The following KAZN variants were observed in gnomAD, a reference collection of about 807,000 sequenced individuals.
The protein encoded by KAZN is kazrin, periplakin interacting protein.
KAZN carries 40 observed loss-of-function variants against 87.4 expected under a neutral mutation model. The observed-to-expected ratio is 0.46, with a 90% CI of 0.36 to 0.60. The LOEUF is 0.60. Among genes scored for constraint, KAZN ranks in the 20% least tolerant of loss-of-function variants. The pLI is 0.00. For missense variants in KAZN, 898 were observed against 1,073.9 expected, an observed-to-expected ratio of 0.84 and a Z score of 2.29; for synonymous variants, 466 against 458.3, an observed-to-expected ratio of 1.02 and a Z score of -0.22.
intron 1 of KAZN, among the ~76,000 whole-genome samples, chr1:14,693,289 C>T (rs1448020237): frequency 6.6e-6 from 1 of 152,154 alleles, no homozygotes; most frequent in Non-Finnish European, 1.5e-5. Context: ...TTTCTCCCGG[C>T]AACAGGATGC....
rs573443874 is a variant in KAZN at position 14,664,082 on chromosome 1, T to G, written c.226+64859T>G. 2.0e-5 allele frequency among the ~76,000 whole-genome samples: 3 copies of G among 152,302 alleles called. No homozygotes were observed. The South Asian group carries it at 6.2e-4, about 32-fold the overall frequency. ...AATAAGCATCCCAAAAAGACAAATA[T>G]TATATGATTCCACCTATATGAGGTA... On this transcript the variant is annotated intron_variant, in intron 1 of 14. Transcript: ENST00000376030.
At chr1:14,185,550 CTA>C (rs1646285936) in intron 2 of KAZN, among the ~76,000 whole-genome samples, 1 of 152,208 alleles carries the variant, frequency 6.6e-6, no homozygotes, top group Non-Finnish European at 1.5e-5. Flanking sequence ...AGTTGCAAAA[CTA>C]TCAAATCAGC....
chr1:14,034,482 T>A (rs1434542682), intron 1 of KAZN, among the ~76,000 whole-genome samples: 1 of 152,236 alleles, frequency 6.6e-6, no homozygotes, highest in African/African-American at 2.4e-5. Context: ...ATTTAACAAA[T>A]GGCATAATTC....
chr1:13,977,879 G>T (rs1570435130), intron 1 of KAZN, among the ~76,000 whole-genome samples: 1 of 152,322 alleles, frequency 6.6e-6, no homozygotes, highest in East Asian at 1.9e-4. Flanking sequence ...TGTAATCCCA[G>T]CACTTTGGGA....
intron 1 of KAZN, among the ~76,000 whole-genome samples, chr1:14,069,946 G>A (rs985532028): frequency 7.9e-5 from 12 of 151,956 alleles, no homozygotes; most frequent in Admixed American, 2.0e-4. Context: ...TGAGGCTGGC[G>A]GATCACGAGG....
intron 1 of KAZN, among the ~76,000 whole-genome samples, chr1:13,955,672 A>C (rs1167473018): frequency 3.3e-5 from 5 of 152,182 alleles, no homozygotes; most frequent in Admixed American, 3.3e-4. Flanking sequence ...CCTTAAAGCC[A>C]GCTTGCTTTT....
intron 2 of KAZN, among the ~76,000 whole-genome samples, chr1:14,261,898 T>A (rs142315477): frequency 6.8e-4 from 103 of 152,262 alleles, no homozygotes; most frequent in African/African-American, 2.4e-3. Context: ...AAGGAGGTCA[T>A]CCGAGACCCA....
chr1:13,928,626 T>C (rs1640375054), intron 1 of KAZN, among the ~76,000 whole-genome samples: 1 of 152,142 alleles, frequency 6.6e-6, no homozygotes, highest in South Asian at 2.1e-4. Context: ...TAATAAAAAA[T>C]TCAGGACATG....
intron 1 of KAZN, among the ~76,000 whole-genome samples, chr1:14,873,848 T>C (rs1229253304): frequency 2.0e-5 from 3 of 152,050 alleles, no homozygotes; most frequent in Non-Finnish European, 4.4e-5. Flanking sequence ...CAGTATCTAG[T>C]TCAAAGGTAG....
At chr1:14,200,920 T>TA (rs964737008) in intron 2 of KAZN, among the ~76,000 whole-genome samples, 1 of 152,100 alleles carries the variant, frequency 6.6e-6, no homozygotes, top group African/African-American at 2.4e-5. Flanking sequence ...TGGAGGACTA[T>TA]AGAGCTCCTG....
chr1:14,301,137 T>A (rs1020920987), intron 2 of KAZN, among the ~76,000 whole-genome samples: 1 of 152,176 alleles, frequency 6.6e-6, no homozygotes, highest in Admixed American at 6.5e-5. Flanking sequence ...CCTAGGGAGT[T>A]ACACACCCAG....
rs532646658 is a variant in KAZN at position 13,994,760 on chromosome 1, G to A, written c.91+101004G>A. Among the ~76,000 whole-genome samples, 143 of 152,300 alleles carry A rather than the reference G, an allele frequency of 9.4e-4. 1 individual carries two copies. Among genetic ancestry groups the A allele is most frequent in the Non-Finnish European group, 1.3e-4 (9 of 68,038 alleles). On this transcript the variant is annotated intron_variant, in intron 1 of 16. Coordinates refer to the KAZN transcript ENST00000636203. ...CCTCAAGCAGGTGTCTGAAGGATAA[G>A]TAAGGTTTAACAAGGAAAAGGGCCT...
intron 1 of KAZN, among the ~76,000 whole-genome samples, chr1:14,805,887 G>T (rs370543304): frequency 5.9e-5 from 9 of 152,080 alleles, no homozygotes; most frequent in African/African-American, 1.7e-4. Flanking sequence ...GCACTTGAAG[G>T]GGGTGTACAT....
At chr1:14,882,686 G>A (rs182783002) in intron 1 of KAZN, among the ~76,000 whole-genome samples, 137 of 152,298 alleles carry the variant, frequency 9.0e-4, no homozygotes, top group Middle Eastern at 6.8e-3. Context: ...CTCCCTGCAC[G>A]TGGAGGGCTA....
intron 1 of KAZN, among the ~76,000 whole-genome samples, chr1:13,958,764 G>C (rs1553178651): frequency 6.6e-6 from 1 of 152,016 alleles, no homozygotes; most frequent in Non-Finnish European, 1.5e-5. Context: ...GGCAGACCTG[G>C]AAGAGCCAAA....
chr1:14,076,116 C>T (rs561452410), intron 1 of KAZN, among the ~76,000 whole-genome samples: 1 of 152,044 alleles, frequency 6.6e-6, no homozygotes, highest in African/African-American at 2.4e-5. Context: ...CCTGTCTCTA[C>T]TAAAAATACA....
chr1:13,924,538 C>A (rs1399998047), intron 1 of KAZN, among the ~76,000 whole-genome samples: 2 of 152,200 alleles, frequency 1.3e-5, no homozygotes, highest in Non-Finnish European at 2.9e-5. Flanking sequence ...CCGCTTAGGG[C>A]AAACCTGCCT....
chr1:14,869,676 C>T (rs1225739924), intron 1 of KAZN, among the ~76,000 whole-genome samples: 1 of 152,164 alleles, frequency 6.6e-6, no homozygotes, highest in East Asian at 1.9e-4. Flanking sequence ...CTGGCATGTG[C>T]CTCGTCTCTT....
intron 2 of KAZN, among the ~76,000 whole-genome samples, chr1:14,507,981 A>AT (rs368187330): frequency 1.2e-4 from 12 of 99,552 alleles, no homozygotes; most frequent in African/African-American, 1.9e-4. Context: ...AAATAAATAA[A>AT]AAAAAAAAAA....
Sources: allele counts gnomAD v4.1 joint callset (sites outside exome capture counted in the v4.1 genomes callset), GRCh38; gene constraint gnomAD v4.1.1; transcripts MANE v1.5; gene names NCBI Gene and HGNC (gene_info 2026-07-23, HGNC 2026-07-21).